The following SCARB1 variants were observed in gnomAD, a reference collection of about 807,000 sequenced individuals.
SCARB1 encodes the protein CD36 and LIMPII analogous 1.
In SCARB1, 30 loss-of-function variants were observed where a neutral mutation model predicts 57.2. The ratio of observed to expected loss-of-function variants is 0.52; its 90% CI spans 0.39 to 0.71. The LOEUF (loss-of-function observed/expected upper bound fraction) is 0.71, where lower values mean the gene tolerates loss of function less well. Among genes scored for constraint, SCARB1 ranks in the 30% least tolerant of loss-of-function variants. The pLI is 0.00. For missense variants in SCARB1, 543 were observed against 671.2 expected (o/e 0.81, Z 2.11); for synonymous variants, 249 against 268.3 (o/e 0.93, Z 0.70).
intron 1 of SCARB1, among the ~76,000 whole-genome samples, chr12:124,842,086 A>G (rs1381385533): frequency 6.6e-6 from 1 of 152,196 alleles, no homozygotes; most frequent in Non-Finnish European, 1.5e-5. Context: ...GGTGGTTCAT[A>G]AACAGCTGCC....
At position 124,777,300 on chromosome 12, in the gene SCARB1, C is replaced by G. The variant is rs1265541689; in HGVS notation, c.*1287G>C. ...AACACGGGGCATGTCCTATGGGCAC[C>G]AGGATTTGTAGATAAATGCACAGAA... On this transcript the variant is annotated 3_prime_UTR_variant, in exon 13 of 13. Coordinates refer to ENST00000261693, the MANE Select transcript of SCARB1 (RefSeq NM_005505.5). 1.3e-5 allele frequency: 2 copies of G among 152,150 alleles called. No individual in the cohort carries two copies. The highest frequency in any genetic ancestry group is 4.8e-5 in the African/African-American group (2 of 41,418). 9.4% of individuals were successfully genotyped at this position (152,150 alleles called of 1,614,324 possible).
chr12:124,832,152 T>C (rs1594332508), intron 1 of SCARB1, among the ~76,000 whole-genome samples: 4 of 152,214 alleles, frequency 2.6e-5, no homozygotes, highest in Admixed American at 1.3e-4. Context: ...TCCTTTAAGA[T>C]GTTAATAGCA....
intron 9 of SCARB1, among the ~76,000 whole-genome samples, 199 bp downstream of exon 9, chr12:124,794,996 A>C (rs1949891617): frequency 6.6e-6 from 1 of 152,184 alleles, no homozygotes; most frequent in South Asian, 2.1e-4. Flanking sequence ...GAATATCAGG[A>C]TGCAGGTCAG....
chr12:124,786,609 C>T (rs1159953927), intron 10 of SCARB1, 106 bp from the exon 11 acceptor site: 1 of 1,549,098 alleles, frequency 6.5e-7, no homozygotes, highest in Non-Finnish European at 8.7e-7. Flanking sequence ...CTTTTCCCCA[C>T]CTCAAGCTTC....
chr12:124,858,664 G>A (rs1158152006), intron 1 of SCARB1, among the ~76,000 whole-genome samples: 2 of 151,960 alleles, frequency 1.3e-5, no homozygotes, highest in Admixed American at 1.3e-4. Context: ...CGGATCACGA[G>A]GTCAGGAGAT....
chr12:124,832,443 C>T (rs948783797), intron 1 of SCARB1, among the ~76,000 whole-genome samples: 1 of 151,822 alleles, frequency 6.6e-6, no homozygotes, highest in Non-Finnish European at 1.5e-5. Context: ...TCACTTGAAC[C>T]TGGAAGGCAG....
chr12:124,834,273 C>T (rs1594339604), intron 1 of SCARB1, among the ~76,000 whole-genome samples: 1 of 152,234 alleles, frequency 6.6e-6, no homozygotes, highest in African/African-American at 2.4e-5. Flanking sequence ...AGAACCACTC[C>T]AGGGTCCTCA....
In SCARB1 at chr12:124,778,496, T is replaced by A. The variant is rs1290385950; in HGVS notation, c.*91A>T. 7.5e-7 allele frequency: 1 copy of A among 1,337,344 alleles called. No homozygotes were observed. The allele number at this position is 1,337,344 out of a possible 1,614,324, so 82.8% of individuals were successfully genotyped here. A position where few individuals can be genotyped will look rare whatever the true frequency, so the allele number is the denominator to read the frequency against. On this transcript the variant is annotated 3_prime_UTR_variant, in exon 13 of 13. Coordinates refer to ENST00000261693, the MANE Select transcript of SCARB1 (RefSeq NM_005505.5). ...GCTGTGGGGCTGGGGGGCTGTCCGC[T>A]GGGAGAGTCCGGGAGAAGCGGGGTG...
intron 1 of SCARB1, among the ~76,000 whole-genome samples, chr12:124,841,747 G>A (rs1037165483): frequency 6.6e-6 from 1 of 152,062 alleles, no homozygotes; most frequent in African/African-American, 2.4e-5. Context: ...CCCCTCCTCT[G>A]AGAGGCCCTC....
At chr12:124,831,839 G>C (rs1352362321) in intron 1 of SCARB1, among the ~76,000 whole-genome samples, 1 of 152,204 alleles carries the variant, frequency 6.6e-6, no homozygotes, top group Non-Finnish European at 1.5e-5. Context: ...CCAAAACCCG[G>C]AACTAGGGCC....
chr12:124,796,641 G>A lies in SCARB1; in HGVS notation c.1129-1373C>T, dbSNP rs1449695144. Among the ~76,000 whole-genome samples the A allele has an allele frequency of 1.3e-5, 2 of 152,182 alleles. No individual in the cohort carries two copies. The highest frequency in any genetic ancestry group is 2.1e-4 in the South Asian group (1 of 4,822). On this transcript the variant is annotated intron_variant, in intron 8 of 12. Transcript: ENST00000261693. This position sits in a 1 kb window ranked among gnomAD's most constrained non-coding sequence, Gnocchi z 4.0. ...AGTAAGGTATGCAAGATAGCCACACGCAGGGCCATAAATGCCTAGGTTATT... is the reference window on the plus strand; with the variant it reads ...AGTAAGGTATGCAAGATAGCCACACACAGGGCCATAAATGCCTAGGTTATT...
intron 4 of SCARB1, among the ~76,000 whole-genome samples, chr12:124,813,308 C>T (rs1218439118): frequency 6.6e-6 from 1 of 152,194 alleles, no homozygotes; most frequent in Non-Finnish European, 1.5e-5. Flanking sequence ...TCTTGCTGTG[C>T]TGCCTGGAAT....
chr12:124,815,263 C>G, intron 2 of SCARB1, 149 bp from the exon 3 acceptor site: 1 of 910,772 alleles, frequency 1.1e-6, no homozygotes, highest in East Asian at 2.6e-5. Context: ...TCGGCCCCTT[C>G]GCCAAGTCTG....
chr12:124,856,867 T>G (rs1952656089), intron 1 of SCARB1, among the ~76,000 whole-genome samples: 1 of 152,314 alleles, frequency 6.6e-6, no homozygotes, highest in South Asian at 2.1e-4. Flanking sequence ...CCCGGGAGCC[T>G]CACTTGGTGC....
At chr12:124,781,770 G>A (rs1873526094) in intron 12 of SCARB1, among the ~76,000 whole-genome samples, 1 of 151,262 alleles carries the variant, frequency 6.6e-6, no homozygotes, top group Non-Finnish European at 1.5e-5. Context: ...TGTTTCTTGT[G>A]TTTCGTTTGT....
At chr12:124,831,825 C>A (rs577730594) in intron 1 of SCARB1, among the ~76,000 whole-genome samples, 14 of 152,232 alleles carry the variant, frequency 9.2e-5, no homozygotes, top group Non-Finnish European at 1.9e-4. Context: ...CTGCGATCTT[C>A]CTTCCAAAAC....
chr12:124,858,515 G>C (rs1594411734), intron 1 of SCARB1, among the ~76,000 whole-genome samples: 1 of 152,168 alleles, frequency 6.6e-6, no homozygotes, highest in Non-Finnish European at 1.5e-5. Context: ...TCATCGGTCT[G>C]TGTGGCGCAT....
At chr12:124,828,220 A>G (rs1186050671) in intron 1 of SCARB1, among the ~76,000 whole-genome samples, 1 of 151,890 alleles carries the variant, frequency 6.6e-6, no homozygotes, top group African/African-American at 2.4e-5. Context: ...TTTCATAGAC[A>G]TTAATTTTTA....
intron 1 of SCARB1, among the ~76,000 whole-genome samples, chr12:124,848,524 C>A (rs1370393754): frequency 6.6e-6 from 1 of 152,212 alleles, no homozygotes; most frequent in Non-Finnish European, 1.5e-5. Flanking sequence ...TGGAGAAGGA[C>A]GTCCTTGTCC....
Sources: gnomAD v4.1 joint callset for allele counts (sites outside exome capture counted in the v4.1 genomes callset) on GRCh38, gnomAD v4.1.1 for gene constraint, Gnocchi (gnomAD v3.1) non-coding constraint, MANE v1.5 for transcripts, NCBI Gene and HGNC (gene_info 2026-07-23, HGNC 2026-07-21) for gene names.